Variants in ALG14 observed in about 807,000 individuals in gnomAD.
ALG14 encodes the protein ALG14 UDP-N-acetylglucosaminyltransferase subunit.
Under a neutral mutation model 22.8 loss-of-function variants are expected in ALG14, and 17 were observed. The ratio of observed to expected loss-of-function variants is 0.75; its 90% CI spans 0.51 to 1.12. The LOEUF is 1.12. Ranked by LOEUF, ALG14 falls within the 50% of genes most tolerant of loss-of-function variation. The pLI, the probability that ALG14 is intolerant of heterozygous loss-of-function variation, is 0.00. For missense variants in ALG14, 288 were observed against 271.8 expected (o/e 1.06, Z -0.42); for synonymous variants, 89 against 103.7 (o/e 0.86, Z 0.86).
chr1:95,021,337 A>T (rs1379688489), intron 3 of ALG14, among the ~76,000 whole-genome samples: 4 of 152,144 alleles, frequency 2.6e-5, no homozygotes, highest in African/African-American at 9.7e-5. Flanking sequence ...CCGTTCCTCA[A>T]GGAGTTCACA....
chr1:95,064,861 C>A lies in ALG14; in HGVS notation c.288+5G>T, dbSNP rs1387283864. On this transcript the variant is annotated splice_donor_5th_base_variant and intron_variant, in intron 2 of 3. Transcript: ENST00000370205. ...ATTTTCTTAGAAATAGAAATTGTCA[C>A]TTACCATGTTACTAGGGTCTCTATC... is the stretch of plus-strand genomic sequence containing the variant. The A allele has an allele frequency of 3.7e-6, 6 of 1,604,798 alleles. No individual in the cohort carries two copies. The highest frequency in any genetic ancestry group is 5.1e-6 in the Non-Finnish European group (6 of 1,174,894).
Position 95,027,196 on chromosome 1 carries a change from G to C in ALG14, c.353C>G (p.Thr118Ser). ...SREVQQSWPS[T>S]VFTTLHSMWL... ...CATGGAGTGCAAGGTGGTGAAAACG[G>C]TGGAGGGCCAGGACTGCTGAACCTC... is the stretch of plus-strand genomic sequence containing the variant. The change falls in exon 3 of 4, where the codon ACC (threonine) becomes AGC (serine). Residue 118 changes from threonine (T) to serine (S), a missense_variant. Thr to Ser is a moderately conservative substitution (Grantham distance 58). Transcript: ENST00000370205. The C allele has an allele frequency of 6.2e-7, 1 of 1,614,160 alleles. No homozygotes were observed. Among genetic ancestry groups the C allele is most frequent in the East Asian group, 2.2e-5 (1 of 44,876 alleles).
chr1:95,071,794 T>C (rs1460732094), intron 1 of ALG14, among the ~76,000 whole-genome samples: 2 of 152,252 alleles, frequency 1.3e-5, no homozygotes, highest in African/African-American at 2.4e-5. Context: ...GATAAAGTAG[T>C]GCCCTTCCTG....
intron 2 of ALG14, among the ~76,000 whole-genome samples, chr1:95,043,745 A>G (rs542338202): frequency 3.3e-5 from 5 of 152,074 alleles, no homozygotes; most frequent in African/African-American, 1.2e-4. Context: ...GAGGAGAAGG[A>G]AAAGAAGTAG....
chr1:95,026,454 C>T (rs1673817752), intron 3 of ALG14, among the ~76,000 whole-genome samples: 1 of 147,196 alleles, frequency 6.8e-6, no homozygotes, highest in South Asian at 2.2e-4. Flanking sequence ...GACAGGGAAG[C>T]CCAAGGAATG....
intron 3 of ALG14, among the ~76,000 whole-genome samples, chr1:94,998,740 T>C (rs1259825934): frequency 6.6e-6 from 1 of 152,192 alleles, no homozygotes; most frequent in African/African-American, 2.4e-5. Flanking sequence ...AGTTTTCTTA[T>C]TCACAAAATG....
rs558113728 is a variant in ALG14, at chr1:95,057,754, G to A, written c.288+7112C>T. ...AATGGTCCTAAATTGAAGAAAGATC[G>A]TAAGAGTCCACTGAATTCAAGAAAG... On this transcript the variant is annotated intron_variant, in intron 2 of 3. Transcript: ENST00000370205. Among the ~76,000 whole-genome samples the A allele has an allele frequency of 1.1e-4, 17 of 151,698 alleles. No homozygotes were observed. The South Asian group carries it at 1.5e-3, about 13-fold the overall frequency.
rs1376420389 is a variant in ALG14 at position 94,981,687 on chromosome 1, T to TC, written c.*1388_*1389insG. ...TTCTGTTTTTTATTTTGTTTTGTTT[T>TC]TTTTTTTTTTGGCTGCTTTGTTAAA... On this transcript the variant is annotated 3_prime_UTR_variant, in exon 4 of 4. Transcript: ENST00000370205. 1 of 150,602 alleles carries TC rather than the reference T, an allele frequency of 6.6e-6. No individual in the cohort carries two copies. Among genetic ancestry groups the TC allele is most frequent in the South Asian group, 2.1e-4 (1 of 4,802 alleles). The allele number at this position is 150,602 out of a possible 1,614,324, so 9.3% of individuals were successfully genotyped here. A position where few individuals can be genotyped will look rare whatever the true frequency, so the allele number is the denominator to read the frequency against.
chr1:94,986,217 C>T (rs149596082), intron 3 of ALG14, among the ~76,000 whole-genome samples: 175 of 152,270 alleles, frequency 1.1e-3, no homozygotes, highest in Middle Eastern at 3.4e-3. Flanking sequence ...CACCACCACC[C>T]GGGCCATCTC....
rs985979704 is a variant in ALG14 at position 94,978,916 on chromosome 1, T to C, written c.*4160A>G. The C allele has an allele frequency of 1.3e-5, 2 of 151,388 alleles. No individual in the cohort carries two copies. The highest frequency in any genetic ancestry group is 4.9e-5 in the African/African-American group (2 of 41,112). The allele number at this position is 151,388 out of a possible 1,614,324, so 9.4% of individuals were successfully genotyped here. ...TGGAGCTAGAATGCCTTGGTTCAAA[T>C]CTGAGCTTTGTCACTTTCTAGTTCT... On this transcript the variant is annotated 3_prime_UTR_variant, in exon 4 of 4. Coordinates refer to ENST00000370205, the MANE Select transcript of ALG14 (RefSeq NM_144988.4).
chr1:95,007,112 C>T (rs1382687484), intron 3 of ALG14, among the ~76,000 whole-genome samples: 4 of 152,172 alleles, frequency 2.6e-5, no homozygotes, highest in East Asian at 1.9e-4. Flanking sequence ...TAACAATCAC[C>T]GTACTGCCAG....
At chr1:95,058,084 G>A (rs1674998844) in intron 2 of ALG14, among the ~76,000 whole-genome samples, 1 of 151,122 alleles carries the variant, frequency 6.6e-6, no homozygotes, top group Non-Finnish European at 1.5e-5. Context: ...TCAGGAGATC[G>A]AGACCATCCT....
chr1:95,063,069 CAT>C (rs765989723), intron 2 of ALG14, among the ~76,000 whole-genome samples: 16 of 152,244 alleles, frequency 1.1e-4, no homozygotes, highest in South Asian at 4.1e-4. Context: ...AGCTTTCTTT[CAT>C]ATGTTTGTTG....
At position 94,974,997 on chromosome 1, in the gene ALG14, C is replaced by T. The variant is rs1057100738; in HGVS notation, c.*8079G>A. 6.6e-6 allele frequency: 1 copy of T among 152,224 alleles called. No individual in the cohort carries two copies. Among genetic ancestry groups the T allele is most frequent in the Admixed American group, 6.5e-5 (1 of 15,280 alleles). The allele number at this position is 152,224 out of a possible 1,614,324, so 9.4% of individuals were successfully genotyped here. On this transcript the variant is annotated 3_prime_UTR_variant, in exon 4 of 4. Coordinates refer to ENST00000370205, the MANE Select transcript of ALG14 (RefSeq NM_144988.4). ...AAAGTCTATACTAAGATGTGACTGTCAATTGGAATGTCTACAGATACCATA... is the reference window on the plus strand; with the variant it reads ...AAAGTCTATACTAAGATGTGACTGTTAATTGGAATGTCTACAGATACCATA...
At chr1:95,069,590 G>A (rs2100850578) in intron 1 of ALG14, among the ~76,000 whole-genome samples, 1 of 152,182 alleles carries the variant, frequency 6.6e-6, no homozygotes, top group Non-Finnish European at 1.5e-5. Flanking sequence ...ATTGGAGATA[G>A]AGGCCTTTGT....
At chr1:95,038,754 T>C (rs1383594179) in intron 2 of ALG14, among the ~76,000 whole-genome samples, 6 of 143,962 alleles carry the variant, frequency 4.2e-5, no homozygotes, top group African/African-American at 1.3e-4. Context: ...GGTCTCCCTC[T>C]CTTGCCCAGG....
chr1:95,072,862 C>A lies in ALG14; in HGVS notation c.37G>T (p.Ala13Ser), dbSNP rs760001852. The A allele has an allele frequency of 2.0e-5, 33 of 1,614,168 alleles. No individual in the cohort carries two copies. Among genetic ancestry groups the A allele is most frequent in the South Asian group, 6.6e-5 (6 of 91,082 alleles). Residue 13 changes from alanine to serine, a missense_variant, in exon 1 of 4, where the codon GCT (alanine) becomes TCT (serine). Coordinates refer to ENST00000370205, the MANE Select transcript of ALG14 (RefSeq NM_144988.4). ...CVLVLAAAAG[A>S]VAVFLILRIW... ...CGCAGGATTAGGAAAACCGCCACAGCTCCTGCGGCCGCAGCTAGAACGAGA... is the reference window on the plus strand; with the variant it reads ...CGCAGGATTAGGAAAACCGCCACAGATCCTGCGGCCGCAGCTAGAACGAGA...
At chr1:95,052,452 C>G (rs529402761) in intron 2 of ALG14, among the ~76,000 whole-genome samples, 127 of 152,154 alleles carry the variant, frequency 8.3e-4, no homozygotes, top group African/African-American at 3.0e-3. Context: ...TTTAAGATGA[C>G]AGCAAGAATG....
chr1:94,982,697 T>TTAAA lies in ALG14; in HGVS notation c.*378_*379insTTTA, dbSNP rs1672524479. ...TCTTCTTTTACAATGCAGAATACTTTACAAAAAAAAAAAAAAAAAAAAAAA... is the reference window on the plus strand; with the variant it reads ...TCTTCTTTTACAATGCAGAATACTTTTAAAACAAAAAAAAAAAAAAAAAAAAAAA... On this transcript the variant is annotated 3_prime_UTR_variant, in exon 4 of 4. Transcript: ENST00000370205. 8.4e-5 allele frequency: 1 copy of TTAAA among 11,874 alleles called. No homozygotes were observed. Among genetic ancestry groups the TTAAA allele is most frequent in the Non-Finnish European group, 1.4e-4 (1 of 7,314 alleles). 0.7% of individuals were successfully genotyped at this position (11,874 alleles called of 1,614,324 possible).
Sources: gnomAD v4.1 joint callset for allele counts (sites outside exome capture counted in the v4.1 genomes callset) on GRCh38, gnomAD v4.1.1 for gene constraint, MANE v1.5 for transcripts, NCBI Gene and HGNC (gene_info 2026-07-23, HGNC 2026-07-21) for gene names.